Variants in SIM2 observed in about 807,000 individuals in gnomAD.
SIM2 encodes SIM bHLH transcription factor 2, also known as single-minded homolog 2.
SIM2 carries 28 observed loss-of-function variants against 64.8 expected under a neutral mutation model. The observed-to-expected ratio is 0.43, with a 90% CI of 0.32 to 0.59. The LOEUF (loss-of-function observed/expected upper bound fraction) is 0.59. Ranked by LOEUF, SIM2 falls within the 20% of genes least tolerant of loss-of-function variation. SIM2 has a pLI of 0.07. For missense variants in SIM2, 847 were observed against 871.4 expected, an observed-to-expected ratio of 0.97 and a Z score of 0.35; for synonymous variants, 408 against 391.1, an observed-to-expected ratio of 1.04 and a Z score of -0.51.
chr21:36,731,645 G>T (rs533444657), intron 7 of SIM2, among the ~76,000 whole-genome samples: 1 of 152,128 alleles, frequency 6.6e-6, no homozygotes, highest in Non-Finnish European at 1.5e-5. Flanking sequence ...GATGGTAGCG[G>T]AGTTGGAAGC....
rs374708892 is a variant in SIM2, at chr21:36,709,037, G to C, written c.176-131G>C. ...CACAGATGGCGGCTGCGGAGCCGGG[G>C]AGGCGGCGGGGAGACGCGCGGGACT... On this transcript the variant is annotated intron_variant, in intron 1 of 10. Transcript: ENST00000290399. The C allele has an allele frequency of 3.1e-5, 22 of 718,060 alleles. No homozygotes were observed. In the African/African-American group the frequency reaches 3.6e-4, roughly 12 times the overall value. The allele number at this position is 718,060 out of a possible 1,614,324, so 44.5% of individuals were successfully genotyped here.
At chr21:36,703,035 C>G (rs771849123) in intron 1 of SIM2, among the ~76,000 whole-genome samples, 8 of 151,962 alleles carry the variant, frequency 5.3e-5, no homozygotes, top group Non-Finnish European at 1.2e-4. Flanking sequence ...AGACATGACA[C>G]AGGCCTTTCC....
chr21:36,709,087 G>C, intron 1 of SIM2, 81 bp from the exon 2 acceptor site: 4 of 1,261,700 alleles, frequency 3.2e-6, no homozygotes, highest in Non-Finnish European at 4.4e-6. Flanking sequence ...GCAGGGTGCA[G>C]GGGTTCCGCG....
At chr21:36,740,860 T>C (rs1358405899) in intron 7 of SIM2, among the ~76,000 whole-genome samples, 1 of 152,222 alleles carries the variant, frequency 6.6e-6, no homozygotes, top group Non-Finnish European at 1.5e-5. Flanking sequence ...GAAGCAGGAA[T>C]GTTCTGGAGC....
intron 9 of SIM2, 42 bp downstream of exon 9, chr21:36,743,597 C>T (rs1301926106): frequency 1.3e-6 from 2 of 1,584,914 alleles, no homozygotes; most frequent in South Asian, 2.3e-5. Flanking sequence ...TGACATCTAT[C>T]CTAGGGGTTC....
Position 36,699,732 on chromosome 21 carries a change from C to G in SIM2, c.-15C>G, listed in dbSNP as rs979374259. On this transcript the variant is annotated 5_prime_UTR_variant, in exon 1 of 11. Coordinates refer to ENST00000290399, the MANE Select transcript of SIM2 (RefSeq NM_005069.6). This position sits in a 1 kb window ranked among gnomAD's most constrained non-coding sequence, Gnocchi z 5.6. ...GGAGCACGGCCGGGTCTAATATGCC[C>G]GGAGCCGAGGCGCGATGAAGGAGAA... 33 of 1,611,286 alleles carry G rather than the reference C, an allele frequency of 2.0e-5. No homozygotes were observed. Among genetic ancestry groups the G allele is most frequent in the Non-Finnish European group, 2.6e-5 (31 of 1,178,746 alleles).
chr21:36,747,759 GGCC>G lies in SIM2; in HGVS notation c.1672_1674del (p.Ala558del). Reference sequence around the variant, plus strand: ...ACCGCGAGGAGCCCGCGCTGGGCCCGGCCAAAGCCGCCCGCCAGGCCGCCCGGG... The same window carrying G: ...ACCGCGAGGAGCCCGCGCTGGGCCCGAAAGCCGCCCGCCAGGCCGCCCGGG... On this transcript the variant is annotated inframe_deletion, in exon 11 of 11. Transcript: ENST00000290399. This position sits in a 1 kb window ranked among gnomAD's most constrained non-coding sequence, Gnocchi z 4.5. 5 of 1,164,034 alleles carry G rather than the reference GGCC, an allele frequency of 4.3e-6. No individual in the cohort carries two copies. The highest frequency in any genetic ancestry group is 5.3e-6 in the Non-Finnish European group (5 of 946,876). The allele number at this position is 1,164,034 out of a possible 1,614,324, so 72.1% of individuals were successfully genotyped here.
intron 4 of SIM2, among the ~76,000 whole-genome samples, chr21:36,720,739 A>G (rs887744398): frequency 6.6e-6 from 1 of 152,232 alleles, no homozygotes; most frequent in Non-Finnish European, 1.5e-5. Flanking sequence ...AGCCCTGGTC[A>G]TTACACAAAT....
In SIM2 at chr21:36,735,070, C is replaced by T. The variant is rs146242115; in HGVS notation, c.850+3919C>T. On this transcript the variant is annotated intron_variant, in intron 7 of 10. Coordinates refer to ENST00000290399, the MANE Select transcript of SIM2 (RefSeq NM_005069.6). Reference sequence around the variant, plus strand: ...ACTGGCTACAGCCGAGGGAGGCTGGCGCTCAACGCCGGGGATACCCCAGAG... The same window carrying T: ...ACTGGCTACAGCCGAGGGAGGCTGGTGCTCAACGCCGGGGATACCCCAGAG... Among the ~76,000 whole-genome samples the T allele has an allele frequency of 4.5e-3, 687 of 152,258 alleles. 3 individuals carry two copies. The highest frequency in any genetic ancestry group is 6.3e-3 in the Non-Finnish European group (426 of 68,010).
chr21:36,708,325 A>G (rs1193687524), intron 1 of SIM2, among the ~76,000 whole-genome samples: 1 of 152,224 alleles, frequency 6.6e-6, no homozygotes, highest in East Asian at 1.9e-4. Flanking sequence ...TCGAGGGTGC[A>G]GCAGGAGGGG....
At chr21:36,701,235 C>G (rs1474738568) in intron 1 of SIM2, 1 of 152,326 alleles carries the variant, frequency 6.6e-6, no homozygotes, top group Admixed American at 6.5e-5. Context: ...GCCGGACGGT[C>G]GGGGCAGAGC....
chr21:36,727,358 T>C (rs1361362873), intron 6 of SIM2, among the ~76,000 whole-genome samples: 2 of 152,208 alleles, frequency 1.3e-5, no homozygotes, highest in African/African-American at 2.4e-5. Flanking sequence ...AATTTTTAAG[T>C]GACAAACGCT....
intron 5 of SIM2, among the ~76,000 whole-genome samples, chr21:36,723,742 C>T (rs1232495771): frequency 1.3e-5 from 2 of 152,228 alleles, no homozygotes; most frequent in Non-Finnish European, 2.9e-5. Flanking sequence ...GAGCCCAGCC[C>T]ATGCTCCTCC....
In SIM2 at chr21:36,741,748, C is replaced by A. The variant is rs1266229494; in HGVS notation, c.882C>A (p.Tyr294Ter). ...LLVKGQVTTKYYRLLSKRGGW... is the reference protein window; with the variant it reads ...LLVKGQVTTK ...TGAAGGGCCAGGTCACCACCAAGTA[C>A]TACCGGCTGCTGTCCAAGCGGGGCG... The change falls in exon 8 of 11, where the codon TAC becomes TAA. Residue 294 changes from tyrosine to a stop codon, truncating the protein, a stop_gained. Coordinates refer to ENST00000290399, the MANE Select transcript of SIM2 (RefSeq NM_005069.6). LOFTEE classifies it high-confidence loss of function. The A allele has an allele frequency of 6.2e-7, 1 of 1,613,536 alleles. No individual in the cohort carries two copies. Among genetic ancestry groups the A allele is most frequent in the Non-Finnish European group, 8.5e-7 (1 of 1,179,994 alleles).
chr21:36,739,572 G>C (rs1185186594), intron 7 of SIM2, among the ~76,000 whole-genome samples: 1 of 151,958 alleles, frequency 6.6e-6, no homozygotes, highest in African/African-American at 2.4e-5. Flanking sequence ...CAGCAATATT[G>C]CAATGAAACC....
At chr21:36,705,527 T>C (rs978915924) in intron 1 of SIM2, among the ~76,000 whole-genome samples, 1 of 152,162 alleles carries the variant, frequency 6.6e-6, no homozygotes, top group South Asian at 2.1e-4. Flanking sequence ...CGGCAAACAC[T>C]GGGGCTTCGG....
At chr21:36,706,879 G>T (rs996097335) in intron 1 of SIM2, among the ~76,000 whole-genome samples, 1 of 152,232 alleles carries the variant, frequency 6.6e-6, no homozygotes, top group African/African-American at 2.4e-5. Context: ...TGATCTAAAA[G>T]AGAACAAGTT....
intron 9 of SIM2, among the ~76,000 whole-genome samples, chr21:36,744,311 C>CA (rs60354140): frequency 0.37 from 15,352 of 41,396 alleles, 1,223 homozygotes; most frequent in African/African-American, 0.45. Flanking sequence ...CACATTATGA[C>CA]AAAAAAAAAA....
At chr21:36,713,424 T>C (rs1267030450) in intron 3 of SIM2, among the ~76,000 whole-genome samples, 3 of 152,200 alleles carry the variant, frequency 2.0e-5, no homozygotes, top group Non-Finnish European at 4.4e-5. Flanking sequence ...CTCATTCACA[T>C]GCCTGACTTA....
Sources: gnomAD v4.1 joint callset for allele counts (sites outside exome capture counted in the v4.1 genomes callset) on GRCh38, gnomAD v4.1.1 for gene constraint, Gnocchi (gnomAD v3.1) non-coding constraint, MANE v1.5 for transcripts, NCBI Gene and HGNC (gene_info 2026-07-23, HGNC 2026-07-21) for gene names.